Variants in HOOK3 observed in about 807,000 individuals in gnomAD.
HOOK3 encodes the protein protein Hook homolog 3.
A neutral mutation model predicts 116.3 loss-of-function variants in HOOK3; 24 were observed. The observed-to-expected ratio is 0.21, with a 90% CI of 0.15 to 0.29. The LOEUF is 0.29. HOOK3 is among the 10% of genes least tolerant of loss of function. The pLI, the probability that HOOK3 is intolerant of heterozygous loss-of-function variation, is 1.00. For missense variants in HOOK3, 632 were observed against 830.2 expected (o/e 0.76, Z 2.93); for synonymous variants, 275 against 283.0 (o/e 0.97, Z 0.28).
At chr8:43,002,175 A>G (rs1053392257) in intron 17 of HOOK3, 34 bp downstream of exon 17, 9 of 1,524,148 alleles carry the variant, frequency 5.9e-6, no homozygotes, top group South Asian at 1.1e-5. Context: ...TGATTCTTCT[A>G]TAGTGGAACA....
intron 6 of HOOK3, among the ~76,000 whole-genome samples, chr8:42,955,160 G>A (rs1808410740): frequency 6.6e-6 from 1 of 152,218 alleles, no homozygotes; most frequent in Non-Finnish European, 1.5e-5. Flanking sequence ...CTACTTTTAT[G>A]CAGGTTTGTA....
intron 17 of HOOK3, among the ~76,000 whole-genome samples, chr8:43,004,892 T>G (rs1809449336): frequency 1.3e-5 from 2 of 151,966 alleles, no homozygotes; most frequent in Non-Finnish European, 1.5e-5. Flanking sequence ...ATATCCAAGA[T>G]TCCTAGAAAT....
chr8:42,922,209 C>T (rs117051410), intron 2 of HOOK3, among the ~76,000 whole-genome samples: 1,712 of 152,168 alleles, frequency 0.011, 22 homozygotes, highest in Non-Finnish European at 0.017. Context: ...TTAGATATGA[C>T]ACAGAAAGTT....
intron 4 of HOOK3, among the ~76,000 whole-genome samples, chr8:42,941,517 CAAAAAAAA>C (rs960451235): frequency 2.3e-5 from 1 of 44,028 alleles, no homozygotes; most frequent in Non-Finnish European, 4.6e-5. Flanking sequence ...GACTCCGTCT[CAAAAAAAA>C]AAAAAAAAAA....
At chr8:42,939,982 A>G (rs1407406862) in intron 4 of HOOK3, among the ~76,000 whole-genome samples, 5 of 127,954 alleles carry the variant, frequency 3.9e-5, no homozygotes, top group Admixed American at 8.5e-5. Flanking sequence ...GGGCAGAGAC[A>G]CTCCTCACTT....
At chr8:42,963,435 T>G (rs1453353979) in intron 8 of HOOK3, among the ~76,000 whole-genome samples, 1 of 152,238 alleles carries the variant, frequency 6.6e-6, no homozygotes, top group Non-Finnish European at 1.5e-5. Context: ...GTTTGGATTG[T>G]TTCCAGTTTT....
At chr8:42,953,397 G>C (rs117516399) in intron 6 of HOOK3, among the ~76,000 whole-genome samples, 2,487 of 151,704 alleles carry the variant, frequency 0.016, 32 homozygotes, top group Non-Finnish European at 0.022. Context: ...AACCCTGTCT[G>C]TACTCAAAAT....
Position 43,019,441 on chromosome 8 carries a change from T to A in HOOK3, c.*943T>A. On this transcript the variant is annotated 3_prime_UTR_variant, in exon 22 of 22. Transcript: ENST00000307602. ...CTTATGCCCCATTTGTTTTACTTGT[T>A]CTTTAATATAAACCCTTCCATTTTT... 4.7e-6 allele frequency: 1 copy of A among 211,290 alleles called. No individual in the cohort carries two copies. The highest frequency in any genetic ancestry group is 7.3e-5 in the East Asian group (1 of 13,776). The allele number at this position is 211,290 out of a possible 1,614,324, so 13.1% of individuals were successfully genotyped here. A position where few individuals can be genotyped will look rare whatever the true frequency, so the allele number is the denominator to read the frequency against.
chr8:42,976,213 A>G (rs941805557), intron 13 of HOOK3, among the ~76,000 whole-genome samples: 12 of 152,038 alleles, frequency 7.9e-5, no homozygotes, highest in Admixed American at 6.6e-5. Context: ...TTTGGTAGAA[A>G]AGGGCAAATT....
At chr8:42,957,364 A>G (rs1222894055) in intron 7 of HOOK3, among the ~76,000 whole-genome samples, 4 of 152,334 alleles carry the variant, frequency 2.6e-5, no homozygotes, top group Non-Finnish European at 2.9e-5. Flanking sequence ...ATGCATTTGC[A>G]ATTAAAATGC....
At chr8:42,937,570 A>G (rs547832472) in intron 4 of HOOK3, among the ~76,000 whole-genome samples, 2 of 152,204 alleles carry the variant, frequency 1.3e-5, no homozygotes, top group South Asian at 2.1e-4. Context: ...GCTGTGTCCC[A>G]GAGATTCTGG....
chr8:43,000,338 A>G, intron 16 of HOOK3: 1 of 1,060,558 alleles, frequency 9.4e-7, no homozygotes, highest in Non-Finnish European at 1.3e-6. Context: ...GACTGCCATC[A>G]TAGTTGATGG....
intron 8 of HOOK3, among the ~76,000 whole-genome samples, chr8:42,960,238 C>G (rs544180074): frequency 6.6e-6 from 1 of 152,264 alleles, no homozygotes; most frequent in Non-Finnish European, 1.5e-5. Flanking sequence ...TATCATGGCT[C>G]CTTTATGTAT....
intron 2 of HOOK3, among the ~76,000 whole-genome samples, chr8:42,908,803 G>A (rs1807365023): frequency 6.6e-6 from 1 of 152,152 alleles, no homozygotes; most frequent in South Asian, 2.1e-4. Context: ...AGCAAAAACA[G>A]ACAAATGGGA....
At chr8:42,974,686 A>T (rs1034270688) in intron 13 of HOOK3, among the ~76,000 whole-genome samples, 12 of 152,218 alleles carry the variant, frequency 7.9e-5, no homozygotes, top group African/African-American at 2.9e-4. Context: ...ATTGGTCCAG[A>T]TGGTGGTCCG....
At chr8:42,978,410 AT>A (rs780491369) in intron 13 of HOOK3, among the ~76,000 whole-genome samples, 11,417 of 120,864 alleles carry the variant, frequency 0.094, 1,062 homozygotes, top group African/African-American at 0.26. Flanking sequence ...TGCCTGGCTA[AT>A]TTTTTTTTTT....
rs142350834 is a variant in HOOK3, at chr8:42,946,835, C to G, written c.400+3390C>G. Among the ~76,000 whole-genome samples the G allele has an allele frequency of 2.5e-3, 318 of 129,182 alleles. 1 individual carries two copies. Among genetic ancestry groups the G allele is most frequent in the African/African-American group, 9.1e-3 (309 of 33,840 alleles). 84.7% of individuals were successfully genotyped at this position (129,182 alleles called of 152,430 possible). A position where few individuals can be genotyped will look rare whatever the true frequency, so the allele number is the denominator to read the frequency against. ...CCAGGCTGGAGTCCAGTGGTGTGAT[C>G]TCGGCTCATTGCAACCTCTGCCTCC... On this transcript the variant is annotated intron_variant, in intron 5 of 21. Transcript: ENST00000307602.
Position 43,021,314 on chromosome 8 carries a change from T to C in HOOK3, c.*2816T>C, listed in dbSNP as rs890572769. On this transcript the variant is annotated 3_prime_UTR_variant, in exon 22 of 22. Coordinates refer to ENST00000307602, the MANE Select transcript of HOOK3 (RefSeq NM_032410.4). Reference sequence around the variant, plus strand: ...GGGGAGTTTTACTTCTGACTTTTTTTTCCCCCCGAGACGGAGCCTCGTTCC... The same window carrying C: ...GGGGAGTTTTACTTCTGACTTTTTTCTCCCCCCGAGACGGAGCCTCGTTCC... 6.3e-5 allele frequency: 12 copies of C among 190,300 alleles called. No homozygotes were observed. The highest frequency in any genetic ancestry group is 2.3e-4 in the African/African-American group (10 of 42,842). The allele number at this position is 190,300 out of a possible 1,614,324, so 11.8% of individuals were successfully genotyped here. A position where few individuals can be genotyped will look rare whatever the true frequency, so the allele number is the denominator to read the frequency against.
At chr8:42,905,409 A>G (rs190128383) in intron 1 of HOOK3, among the ~76,000 whole-genome samples, 1 of 148,892 alleles carries the variant, frequency 6.7e-6, no homozygotes, top group East Asian at 2.0e-4. Flanking sequence ...TAATCTTAAG[A>G]TGATTGCCTT....
Sources: gnomAD v4.1 joint callset for allele counts (sites outside exome capture counted in the v4.1 genomes callset) on GRCh38, gnomAD v4.1.1 for gene constraint, MANE v1.5 for transcripts, NCBI Gene and HGNC (gene_info 2026-07-23, HGNC 2026-07-21) for gene names.